SPRY3: variants seen among roughly 807,000 people sequenced by gnomAD.
The protein encoded by SPRY3 is sprouty RTK signaling antagonist 3.
Under a neutral mutation model 20.2 loss-of-function variants are expected in SPRY3, and 15 were observed. The ratio of observed to expected loss-of-function variants is 0.74; its 90% CI spans 0.50 to 1.14. The LOEUF (loss-of-function observed/expected upper bound fraction) is 1.14. Ranked by LOEUF, SPRY3 falls within the 50% of genes most tolerant of loss-of-function variation. The pLI is 0.00. For missense variants in SPRY3, 364 were observed against 363.9 expected (o/e 1.00, Z 0.00); for synonymous variants, 143 against 136.5 (o/e 1.05, Z -0.33).
intron 2 of SPRY3, among the ~76,000 whole-genome samples, chrX:155,749,106 T>C (rs1602986211): frequency 1.3e-5 from 2 of 151,880 alleles, no homozygotes; most frequent in Non-Finnish European, 2.9e-5. Flanking sequence ...ATACCTTGGA[T>C]CCATAAAATA....
At chrX:155,748,715 A>T (rs529087969) in intron 2 of SPRY3, among the ~76,000 whole-genome samples, 2 of 151,960 alleles carry the variant, frequency 1.3e-5, no homozygotes, top group East Asian at 3.9e-4. Flanking sequence ...TGCTACATGG[A>T]ATCAGAAGAC....
chrX:155,650,444 C>T (rs1176900720), intron 1 of SPRY3, among the ~76,000 whole-genome samples: 2 of 111,123 alleles, frequency 1.8e-5, no homozygotes, highest in African/African-American at 6.5e-5. Context: ...AGATTTTTAG[C>T]GATTTTTAAT....
intron 2 of SPRY3, among the ~76,000 whole-genome samples, chrX:155,716,576 T>A (rs1179856783): frequency 6.6e-6 from 1 of 152,092 alleles, no homozygotes; most frequent in Non-Finnish European, 1.5e-5. Context: ...TTTCCCTCAA[T>A]GTTATGTTTT....
intron 1 of SPRY3, among the ~76,000 whole-genome samples, chrX:155,639,035 C>T (rs2067933293): frequency 9.0e-6 from 1 of 111,641 alleles, no homozygotes; most frequent in African/African-American, 3.3e-5. Context: ...CTGCTTCCTC[C>T]TTTTGTCCCT....
At chrX:155,685,279 T>C (rs985610282) in intron 2 of SPRY3, among the ~76,000 whole-genome samples, 3 of 111,817 alleles carry the variant, frequency 2.7e-5, no homozygotes, top group African/African-American at 9.7e-5. Context: ...TTTTCAATCT[T>C]TTTTTCTGTG....
chrX:155,741,198 C>G (rs1396432599), intron 2 of SPRY3, among the ~76,000 whole-genome samples: 1 of 151,934 alleles, frequency 6.6e-6, no homozygotes, highest in Non-Finnish European at 1.5e-5. Flanking sequence ...GAGAACTTCA[C>G]AAAGCAATCA....
chrX:155,720,391 G>T (rs1412596833), intron 2 of SPRY3, among the ~76,000 whole-genome samples: 1 of 152,152 alleles, frequency 6.6e-6, no homozygotes, highest in African/African-American at 2.4e-5. Context: ...TGAAGGGAAG[G>T]ACACAGGCCT....
intron 2 of SPRY3, among the ~76,000 whole-genome samples, chrX:155,671,135 A>G (rs1225649790): frequency 8.9e-6 from 1 of 111,866 alleles, no homozygotes; most frequent in Non-Finnish European, 1.9e-5. Context: ...ACTTTATTTT[A>G]GAGATGATGA....
intron 2 of SPRY3, among the ~76,000 whole-genome samples, chrX:155,715,027 G>A (rs1431443401): frequency 6.6e-6 from 1 of 152,146 alleles, no homozygotes; most frequent in Admixed American, 6.5e-5. Flanking sequence ...AAGAGCCTAG[G>A]CCAGTACTTA....
At chrX:155,740,694 GT>G (rs1400413207) in intron 2 of SPRY3, among the ~76,000 whole-genome samples, 1 of 152,088 alleles carries the variant, frequency 6.6e-6, no homozygotes, top group Non-Finnish European at 1.5e-5. Flanking sequence ...ACAATAATAC[GT>G]GCACAGCTGA....
intron 2 of SPRY3, among the ~76,000 whole-genome samples, chrX:155,736,853 T>C (rs2091173419): frequency 6.6e-6 from 1 of 152,098 alleles, no homozygotes; most frequent in Non-Finnish European, 1.5e-5. Context: ...TCTGTAGTTG[T>C]CACACAGTTC....
At chrX:155,624,517 CATCTATCTATCTATCT>C (rs141240143) in intron 1 of SPRY3, among the ~76,000 whole-genome samples, 17 of 102,294 alleles carry the variant, frequency 1.7e-4, no homozygotes, top group South Asian at 4.6e-4. Context: ...ATTTATCTAT[CATCTATCTATCTATCT>C]ATCTATCTAT....
intron 2 of SPRY3, among the ~76,000 whole-genome samples, chrX:155,734,761 T>C (rs1275022615): frequency 6.6e-6 from 1 of 152,058 alleles, no homozygotes; most frequent in Non-Finnish European, 1.5e-5. Flanking sequence ...TTGGTTAGCC[T>C]GGCTAGAGGT....
At chrX:155,620,668 G>A (rs782048879) in intron 1 of SPRY3, among the ~76,000 whole-genome samples, 9 of 111,293 alleles carry the variant, frequency 8.1e-5, no homozygotes, top group Non-Finnish European at 1.7e-4. Context: ...TGGTTTCCTG[G>A]AGCAGAGGAG....
chrX:155,747,001 C>G lies in SPRY3; in HGVS notation c.-281-20961C>G, dbSNP rs188865830. On this transcript the variant is annotated intron_variant, in intron 2 of 3. Coordinates refer to ENST00000675360, the Ensembl canonical transcript of SPRY3. ...CAAACTGTGGATCTGGGACCACATG[C>G]GACTCCAAGTAAACTTTCAGCCCTC... is the stretch of plus-strand genomic sequence containing the variant. 2.0e-5 allele frequency among the ~76,000 whole-genome samples: 3 copies of G among 151,980 alleles called. No individual in the cohort carries two copies. The East Asian group carries it at 5.8e-4, about 29-fold the overall frequency.
intron 2 of SPRY3, among the ~76,000 whole-genome samples, chrX:155,767,573 A>G (rs2091341426): frequency 1.4e-5 from 2 of 144,040 alleles, no homozygotes; most frequent in Admixed American, 1.4e-4. Context: ...GGAGGAGGTA[A>G]AGGAGGAAGA....
intron 2 of SPRY3, among the ~76,000 whole-genome samples, chrX:155,716,701 CA>C (rs1370080905): frequency 1.3e-5 from 2 of 151,914 alleles, no homozygotes; most frequent in African/African-American, 4.8e-5. Flanking sequence ...TTTTTTTAAT[CA>C]TAACTTTTTT....
intron 2 of SPRY3, among the ~76,000 whole-genome samples, chrX:155,719,900 C>G (rs941044529): frequency 1.6e-4 from 24 of 152,062 alleles, no homozygotes; most frequent in Non-Finnish European, 3.2e-4. Flanking sequence ...ACTCCTTCTG[C>G]TTGAGAAGAG....
chrX:155,627,393 C>A (rs1260272813), intron 1 of SPRY3, among the ~76,000 whole-genome samples: 3 of 111,848 alleles, frequency 2.7e-5, no homozygotes, highest in Non-Finnish European at 5.6e-5. Context: ...CATGCTGTGA[C>A]AAATAACATG....
Sources: gnomAD v4.1 joint callset for allele counts (sites outside exome capture counted in the v4.1 genomes callset) on GRCh38, gnomAD v4.1.1 for gene constraint, MANE v1.5 for transcripts, NCBI Gene and HGNC (gene_info 2026-07-23, HGNC 2026-07-21) for gene names.